Variants in RNGTT observed in about 807,000 individuals in gnomAD.
The protein encoded by RNGTT is mRNA-capping enzyme.
RNGTT carries 33 observed loss-of-function variants against 79.3 expected under a neutral mutation model. The ratio of observed to expected loss-of-function variants is 0.42; its 90% CI spans 0.32 to 0.56. The LOEUF is 0.56. Ranked by LOEUF, RNGTT falls within the 20% of genes least tolerant of loss-of-function variation. The probability of loss-of-function intolerance (pLI) is 0.17; values close to 1 mark genes in which losing one functional copy is unlikely to be tolerated. For missense variants in RNGTT, 497 were observed against 739.1 expected (o/e 0.67, Z 3.80); for synonymous variants, 222 against 235.9 (o/e 0.94, Z 0.54).
intron 14 of RNGTT, among the ~76,000 whole-genome samples, chr6:88,616,179 A>G (rs1772210198): frequency 6.6e-6 from 1 of 152,210 alleles, no homozygotes; most frequent in Non-Finnish European, 1.5e-5. Context: ...CATGTGACAG[A>G]AATTCTTTCT....
chr6:88,835,036 T>C (rs908281793), intron 11 of RNGTT, among the ~76,000 whole-genome samples: 1 of 152,172 alleles, frequency 6.6e-6, no homozygotes. Context: ...TTACTACTCT[T>C]TCATCCTATA....
intron 13 of RNGTT, among the ~76,000 whole-genome samples, chr6:88,704,132 C>T (rs996394116): frequency 6.6e-6 from 1 of 151,504 alleles, no homozygotes; most frequent in Non-Finnish European, 1.5e-5. Context: ...TGGTGGCGGG[C>T]GCCTGTAATC....
In RNGTT at chr6:88,769,696, T is replaced by C. The variant is rs936035872; in HGVS notation, c.1439+78A>G. Reference sequence around the variant, plus strand: ...TTTCTTTAAAGTATTGTAAAGTATATATGAAATACCCTGTAAAAGGTGAAG... The same window carrying C: ...TTTCTTTAAAGTATTGTAAAGTATACATGAAATACCCTGTAAAAGGTGAAG... On this transcript the variant is annotated intron_variant, in intron 13 of 15. Transcript: ENST00000369485. The C allele has an allele frequency of 5.2e-6, 4 of 765,784 alleles. No homozygotes were observed. In the Admixed American group the frequency reaches 7.4e-5, roughly 14 times the overall value. The allele number at this position is 765,784 out of a possible 1,614,324, so 47.4% of individuals were successfully genotyped here.
intron 6 of RNGTT, among the ~76,000 whole-genome samples, chr6:88,901,600 G>A (rs555455721): frequency 2.9e-5 from 4 of 139,324 alleles, no homozygotes; most frequent in East Asian, 2.3e-4. Context: ...TCCGCCTCCC[G>A]GGTTCAAGCC....
intron 13 of RNGTT, among the ~76,000 whole-genome samples, chr6:88,727,722 A>C (rs1009405820): frequency 6.6e-6 from 1 of 152,256 alleles, no homozygotes; most frequent in Non-Finnish European, 1.5e-5. Context: ...ACTAATAAAA[A>C]TAGGTGCTAA....
intron 10 of RNGTT, among the ~76,000 whole-genome samples, chr6:88,844,921 T>G (rs1204070050): frequency 6.6e-6 from 1 of 152,012 alleles, no homozygotes; most frequent in African/African-American, 2.4e-5. Flanking sequence ...GACCACCACT[T>G]CCAAATTTTA....
intron 13 of RNGTT, among the ~76,000 whole-genome samples, chr6:88,709,373 G>T (rs1434599452): frequency 6.6e-6 from 1 of 151,690 alleles, no homozygotes; most frequent in Non-Finnish European, 1.5e-5. Context: ...AAACTGGACC[G>T]AGGCTGAGAG....
At chr6:88,625,210 G>A (rs7775547) in intron 14 of RNGTT, among the ~76,000 whole-genome samples, 4,541 of 151,700 alleles carry the variant, frequency 0.03, 228 homozygotes, top group African/African-American at 0.1. Flanking sequence ...CATAAGAGCC[G>A]GCAATTTTAC....
At chr6:88,699,015 A>C (rs967547590) in intron 13 of RNGTT, among the ~76,000 whole-genome samples, 25 of 152,202 alleles carry the variant, frequency 1.6e-4, no homozygotes, top group African/African-American at 5.8e-4. Context: ...GCTGACTAGG[A>C]TCACTCTTTA....
At chr6:88,817,745 C>G (rs1371591826) in intron 11 of RNGTT, among the ~76,000 whole-genome samples, 2 of 137,358 alleles carry the variant, frequency 1.5e-5, no homozygotes, top group Non-Finnish European at 3.2e-5. Flanking sequence ...AGTCTATTCA[C>G]ATCATTTTTT....
At chr6:88,801,488 GTATGTA>G (rs1166411092) in intron 12 of RNGTT, 70 bp downstream of exon 12, 42 of 1,112,218 alleles carry the variant, frequency 3.8e-5, no homozygotes, top group Middle Eastern at 2.0e-4. Context: ...ATGTGTATGT[GTATGTA>G]TATGTATATC....
chr6:88,735,956 C>T (rs1777271578), intron 13 of RNGTT, among the ~76,000 whole-genome samples: 1 of 151,782 alleles, frequency 6.6e-6, no homozygotes, highest in South Asian at 2.1e-4. Context: ...AAGAAAAAAA[C>T]AGAAGGCATA....
intron 11 of RNGTT, among the ~76,000 whole-genome samples, chr6:88,835,975 AACACAC>A (rs72228554): frequency 0.047 from 5,382 of 113,728 alleles, 267 homozygotes; most frequent in African/African-American, 0.13. Flanking sequence ...CTCTATTAAA[AACACAC>A]ACACACACAC....
chr6:88,782,294 A>G (rs1469125366), intron 12 of RNGTT, among the ~76,000 whole-genome samples: 1 of 152,074 alleles, frequency 6.6e-6, no homozygotes, highest in East Asian at 1.9e-4. Flanking sequence ...GGTAGAAAAG[A>G]TATTTGAACC....
chr6:88,943,335 C>G (rs557233275), intron 1 of RNGTT, among the ~76,000 whole-genome samples: 22 of 152,256 alleles, frequency 1.4e-4, no homozygotes, highest in African/African-American at 5.3e-4. Flanking sequence ...AAGACCAAAA[C>G]CTTTTAGGTT....
intron 11 of RNGTT, among the ~76,000 whole-genome samples, chr6:88,839,758 C>T (rs1053895365): frequency 1.3e-5 from 2 of 152,108 alleles, no homozygotes; most frequent in African/African-American, 2.4e-5. Context: ...TTTTGTTAGT[C>T]ATATATAGTC....
intron 1 of RNGTT, among the ~76,000 whole-genome samples, chr6:88,957,209 G>C (rs1305875290): frequency 6.6e-6 from 1 of 152,056 alleles, no homozygotes; most frequent in Non-Finnish European, 1.5e-5. Flanking sequence ...CAAGGTAATA[G>C]AGCCATACCT....
chr6:88,911,013 T>A (rs1442897018), intron 4 of RNGTT, among the ~76,000 whole-genome samples: 2 of 152,036 alleles, frequency 1.3e-5, no homozygotes, highest in Non-Finnish European at 2.9e-5. Context: ...AAAAACAGTA[T>A]CTGCTACCAC....
rs142358281 is a variant in RNGTT at position 88,899,288 on chromosome 6, C to G, written c.684+5427G>C. Among the ~76,000 whole-genome samples, 47 of 150,752 alleles carry G rather than the reference C, an allele frequency of 3.1e-4. No individual in the cohort carries two copies. The East Asian group carries it at 8.4e-3, about 27-fold the overall frequency. ...TTTCGGCTTTTTTTTTTTGAGACAG[C>G]CTATCACTCTGTCACCTAGGTTGAA... On this transcript the variant is annotated intron_variant, in intron 6 of 15. Coordinates refer to ENST00000369485, the MANE Select transcript of RNGTT (RefSeq NM_003800.5).
Sources: allele counts gnomAD v4.1 joint callset (sites outside exome capture counted in the v4.1 genomes callset), GRCh38; gene constraint gnomAD v4.1.1; transcripts MANE v1.5; gene names NCBI Gene and HGNC (gene_info 2026-07-23, HGNC 2026-07-21).